Variants in TTC28 observed in about 807,000 individuals in gnomAD.
TTC28 encodes tetratricopeptide repeat domain 28, also known as tetratricopeptide repeat protein 28.
A neutral mutation model predicts 198.0 loss-of-function variants in TTC28; 61 were observed. The observed-to-expected ratio is 0.31, with a 90% CI of 0.25 to 0.38. The LOEUF is 0.38. Ranked by LOEUF, TTC28 falls within the 10% of genes least tolerant of loss-of-function variation. The probability of loss-of-function intolerance (pLI) is 1.00; values close to 1 mark genes in which losing one functional copy is unlikely to be tolerated. For synonymous variants in TTC28, 1,171 were observed against 1,297.8 expected (o/e 0.90, Z 2.10); for missense variants, 2,678 against 3,164.0 (o/e 0.85, Z 3.69).
In TTC28 at chr22:28,474,068, T is replaced by C. The variant is rs151322606; in HGVS notation, c.381+155484A>G. ...ACCCTGCTAAAATAATTACTACCAG[T>C]TAAACATGACAGATTAAACACGAAT... On this transcript the variant is annotated intron_variant, in intron 2 of 22. Transcript: ENST00000397906. Among the ~76,000 whole-genome samples, 5 of 152,324 alleles carry C rather than the reference T, an allele frequency of 3.3e-5. No individual in the cohort carries two copies. In the East Asian group the frequency reaches 9.6e-4, roughly 29 times the overall value.
chr22:27,999,184 GGTA>G lies in TTC28; in HGVS notation c.4472_4474del (p.Leu1491del). ...CAGCCACCTGTCCATCACGGCCGATGGTAGCTTGGGGTTGCCGATGACAGCCGC... is the reference window on the plus strand; with the variant it reads ...CAGCCACCTGTCCATCACGGCCGATGGCTTGGGGTTGCCGATGACAGCCGC... On this transcript the variant is annotated inframe_deletion, in exon 16 of 23. Transcript: ENST00000397906. 1 of 1,550,890 alleles carries G rather than the reference GGTA, an allele frequency of 6.4e-7. No individual in the cohort carries two copies. The highest frequency in any genetic ancestry group is 2.4e-5 in the East Asian group (1 of 40,916).
intron 5 of TTC28, among the ~76,000 whole-genome samples, chr22:28,241,089 A>T (rs999022689): frequency 2.0e-5 from 3 of 152,158 alleles, no homozygotes; most frequent in Non-Finnish European, 4.4e-5. Context: ...TAGTAACTTC[A>T]CGATAGAGAA....
intron 2 of TTC28, among the ~76,000 whole-genome samples, chr22:28,598,853 G>T (rs1471236900): frequency 6.6e-6 from 1 of 152,098 alleles, no homozygotes; most frequent in Non-Finnish European, 1.5e-5. Flanking sequence ...TATTCCCATC[G>T]CATTAAGGAT....
chr22:28,107,718 A>G lies in TTC28; in HGVS notation c.2127T>C (p.Asn709=). Residue 709 remains asparagine, a synonymous_variant, in exon 7 of 23, where the codon AAT becomes AAC. Coordinates refer to ENST00000397906, the MANE Select transcript of TTC28 (RefSeq NM_001145418.2). The part of the protein sequence containing the change: ...YLLSLAQSLN[N]SQAKFRALGN... Reference sequence around the variant, plus strand: ...CTAGGGCTCGAAATTTAGCCTGGGAATTATTCAGAGACTGGGCTAGGGACA... The same window carrying G: ...CTAGGGCTCGAAATTTAGCCTGGGAGTTATTCAGAGACTGGGCTAGGGACA... The G allele has an allele frequency of 6.4e-7, 1 of 1,551,816 alleles. No individual in the cohort carries two copies.
intron 2 of TTC28, among the ~76,000 whole-genome samples, chr22:28,590,228 T>C (rs1046999733): frequency 1.6e-4 from 24 of 150,564 alleles, no homozygotes; most frequent in Admixed American, 1.1e-3. Context: ...CCCAGGTTCA[T>C]GCCATTCTCC....
intron 12 of TTC28, among the ~76,000 whole-genome samples, chr22:28,036,106 T>C (rs1031293590): frequency 1.3e-4 from 20 of 152,110 alleles, no homozygotes; most frequent in Non-Finnish European, 2.4e-4. Context: ...AACAAGGATA[T>C]CCAGGACATG....
chr22:28,495,203 G>T (rs1292352711), intron 2 of TTC28, among the ~76,000 whole-genome samples: 1 of 152,084 alleles, frequency 6.6e-6, no homozygotes, highest in Non-Finnish European at 1.5e-5. Flanking sequence ...TAAACAACAT[G>T]AGTTTTTAGA....
chr22:28,536,219 AAC>A (rs1326446411), intron 2 of TTC28, among the ~76,000 whole-genome samples: 33,463 of 144,024 alleles, frequency 0.23, 4,147 homozygotes, highest in African/African-American at 0.26. Flanking sequence ...AAAAAAAAAA[AAC>A]ATAAAAATAA....
rs563554925 is a variant in TTC28 at position 28,197,401 on chromosome 22, A to G, written c.934-33802T>C. ...TGTAACTAACCTGCGTGTTGTGCAC[A>G]TGTACCCTAAAACTTAAAGTATAAT... is the stretch of plus-strand genomic sequence containing the variant. On this transcript the variant is annotated intron_variant, in intron 5 of 22. Coordinates refer to ENST00000397906, the MANE Select transcript of TTC28 (RefSeq NM_001145418.2). Among the ~76,000 whole-genome samples, 543 of 152,200 alleles carry G rather than the reference A, an allele frequency of 3.6e-3. 2 individuals are homozygous for G. Among genetic ancestry groups the G allele is most frequent in the Middle Eastern group, 0.014 (4 of 292 alleles).
At chr22:27,995,791 T>A (rs1204737631) in intron 17 of TTC28, among the ~76,000 whole-genome samples, 1 of 152,174 alleles carries the variant, frequency 6.6e-6, no homozygotes, top group African/African-American at 2.4e-5. Flanking sequence ...GTCACTGTCG[T>A]CGGCTGCCCT....
chr22:28,341,227 G>C (rs2045823311), intron 2 of TTC28, among the ~76,000 whole-genome samples: 1 of 152,186 alleles, frequency 6.6e-6, no homozygotes, highest in African/African-American at 2.4e-5. Context: ...CAAAACAATA[G>C]AGGAAGAAAA....
rs1274273291 is a variant in TTC28 at position 28,105,496 on chromosome 22, G to A, written c.3090C>T (p.Thr1030=). 1 of 1,551,662 alleles carries A rather than the reference G, an allele frequency of 6.4e-7. No individual in the cohort carries two copies. Among genetic ancestry groups the A allele is most frequent in the East Asian group, 2.4e-5 (1 of 40,924 alleles). Reference sequence around the variant, plus strand: ...CTCGGCCCTGGCACGTGGGGTTGTTGGTTTCCTCTGCTATCTGTAGATCAA... The same window carrying A: ...CTCGGCCCTGGCACGTGGGGTTGTTAGTTTCCTCTGCTATCTGTAGATCAA... The part of the protein sequence containing the change: ...HQLDLQIAEE[T]NNPTCQGRAY... Residue 1030 remains threonine (T), a synonymous_variant, in exon 8 of 23, where the codon ACC becomes ACT. Transcript: ENST00000397906.
At chr22:28,097,988 C>T (rs974432999) in intron 10 of TTC28, among the ~76,000 whole-genome samples, 2 of 152,194 alleles carry the variant, frequency 1.3e-5, no homozygotes, top group Admixed American at 6.5e-5. Context: ...CCTATACATA[C>T]AGCAAAAGAC....
intron 2 of TTC28, among the ~76,000 whole-genome samples, chr22:28,556,906 A>G (rs1394453366): frequency 6.6e-6 from 1 of 152,204 alleles, no homozygotes. Flanking sequence ...ACCTCACAAC[A>G]TGGTGATTGG....
intron 13 of TTC28, among the ~76,000 whole-genome samples, chr22:28,016,170 T>G (rs977880987): frequency 2.0e-5 from 3 of 151,970 alleles, no homozygotes; most frequent in Non-Finnish European, 2.9e-5. Flanking sequence ...TCACATCCGC[T>G]CCCTGGCCTC....
intron 2 of TTC28, among the ~76,000 whole-genome samples, chr22:28,531,700 A>C (rs2049143971): frequency 6.6e-6 from 1 of 152,222 alleles, no homozygotes; most frequent in South Asian, 2.1e-4. Flanking sequence ...AGAAATTATA[A>C]CAAATTGTCT....
rs188421356 is a variant in TTC28, at chr22:28,074,521, C to T, written c.3932+19559G>A. ...TGGGACAAGAGATAAAAGTCTGTTT[C>T]GTCTGGTGTTCAACAGTGCCTCTGC... On this transcript the variant is annotated intron_variant, in intron 12 of 22. Coordinates refer to ENST00000397906, the MANE Select transcript of TTC28 (RefSeq NM_001145418.2). Among the ~76,000 whole-genome samples the T allele has an allele frequency of 1.4e-4, 22 of 152,278 alleles. No individual in the cohort carries two copies. The East Asian group carries it at 2.7e-3, about 19-fold the overall frequency.
intron 6 of TTC28, among the ~76,000 whole-genome samples, chr22:28,154,727 A>C (rs186139537): frequency 1.0e-3 from 156 of 152,310 alleles, no homozygotes; most frequent in Middle Eastern, 3.4e-3. Context: ...GAAAATAGCT[A>C]GGCTACACTT....
chr22:28,271,735 G>A (rs1202935697), intron 5 of TTC28, among the ~76,000 whole-genome samples: 1 of 152,142 alleles, frequency 6.6e-6, no homozygotes, highest in Admixed American at 6.5e-5. Flanking sequence ...CTCCCGAGTA[G>A]CTAGGATTAC....
Sources: gnomAD v4.1 joint callset for allele counts (sites outside exome capture counted in the v4.1 genomes callset) on GRCh38, gnomAD v4.1.1 for gene constraint, MANE v1.5 for transcripts, NCBI Gene and HGNC (gene_info 2026-07-23, HGNC 2026-07-21) for gene names.